The following USP47 variants were observed in gnomAD, a reference collection of about 807,000 sequenced individuals.
The protein encoded by USP47 is ubiquitin specific peptidase 47.
USP47 carries 35 observed loss-of-function variants against 165.1 expected under a neutral mutation model. That is an observed-to-expected ratio of 0.21 (90% CI 0.16 to 0.28). The LOEUF (loss-of-function observed/expected upper bound fraction) is 0.28, where lower values mean the gene tolerates loss of function less well. Ranked by LOEUF, USP47 falls within the 10% of genes least tolerant of loss-of-function variation. The pLI is 1.00. For synonymous variants in USP47, 531 were observed against 544.5 expected, an observed-to-expected ratio of 0.98 and a Z score of 0.35; for missense variants, 1,277 against 1,607.4, an observed-to-expected ratio of 0.79 and a Z score of 3.52.
intron 5 of USP47, 99 bp downstream of exon 5, chr11:11,897,792 G>A (rs1851937508): frequency 1.2e-6 from 1 of 816,736 alleles, no homozygotes; most frequent in East Asian, 2.7e-5. Context: ...AAAGTTTGGG[G>A]CATTTCTCAC....
At position 11,902,743 on chromosome 11, in the gene USP47, C is replaced by A; in HGVS notation, c.622C>A (p.Pro208Thr). ...KWEFEESEED[P>T]VTSIPYQLQR... ...GGAATTTGAAGAATCTGAAGAAGAT[C>A]CAGTGACAAGTATTCCATACCAACT... The change falls in exon 6 of 28, where the codon CCA (proline) becomes ACA (threonine). Residue 208 changes from proline to threonine, a missense_variant. Physicochemically the swap from Pro to Thr is conservative, Grantham distance 38. Around this residue, in one of 4 missense-constraint regions of USP47, gnomAD observed 175 missense variants for 295.8 expected, o/e 0.59. Coordinates refer to ENST00000527733, the MANE Select transcript of USP47 (RefSeq NM_001282659.2). 1.3e-6 allele frequency: 2 copies of A among 1,575,502 alleles called. No homozygotes were observed. Among genetic ancestry groups the A allele is most frequent in the Admixed American group, 1.7e-5 (1 of 57,182 alleles).
In USP47 at chr11:11,961,157, A is replaced by T. The variant is rs1334205974; in HGVS notation, c.*4982A>T. Among the ~76,000 whole-genome samples, 1 of 152,238 alleles carries T rather than the reference A, an allele frequency of 6.6e-6. No homozygotes were observed. Among genetic ancestry groups the T allele is most frequent in the Non-Finnish European group, 1.5e-5 (1 of 68,042 alleles). On this transcript the variant is annotated 3_prime_UTR_variant, in exon 28 of 28. Coordinates refer to ENST00000527733, the MANE Select transcript of USP47 (RefSeq NM_001282659.2). The stretch of plus-strand genomic sequence containing the variant: ...AGGACTCAAAGACTCTTTCTGTGGT[A>T]GGGCCACATCCTAAACCCTGTATCC...
chr11:11,939,889 T>C (rs991595607), intron 18 of USP47, among the ~76,000 whole-genome samples: 7 of 152,050 alleles, frequency 4.6e-5, no homozygotes, highest in African/African-American at 1.7e-4. Context: ...AGTATTTTTA[T>C]CTGCTGCTTT....
rs527761667 is a variant in USP47 at position 11,886,057 on chromosome 11, T to C, written c.357+1477T>C. Among the ~76,000 whole-genome samples the C allele has an allele frequency of 5.3e-5, 8 of 152,060 alleles. No individual in the cohort carries two copies. In the South Asian group the frequency reaches 1.7e-3, roughly 32 times the overall value. The stretch of plus-strand genomic sequence containing the variant: ...AATAAGCAGAAAATAATAACAATAA[T>C]ATCAACAGAAAAGACCCCACACAAT... On this transcript the variant is annotated intron_variant, in intron 3 of 27. Coordinates refer to ENST00000527733, the MANE Select transcript of USP47 (RefSeq NM_001282659.2).
At chr11:11,937,398 A>G (rs1298747306) in intron 17 of USP47, among the ~76,000 whole-genome samples, 13 of 151,786 alleles carry the variant, frequency 8.6e-5, no homozygotes, top group Non-Finnish European at 8.8e-5. Flanking sequence ...TGGATCCTGT[A>G]TATCTCCTTT....
intron 1 of USP47, among the ~76,000 whole-genome samples, chr11:11,875,369 T>C (rs1320597223): frequency 1.3e-5 from 2 of 152,290 alleles, no homozygotes; most frequent in South Asian, 2.1e-4. Context: ...ACAAAAATTA[T>C]GATGTTATCA....
At chr11:11,941,524 A>G (rs1020591571) in intron 19 of USP47, among the ~76,000 whole-genome samples, 4 of 151,994 alleles carry the variant, frequency 2.6e-5, no homozygotes, top group Non-Finnish European at 5.9e-5. Context: ...AACGTAAACA[A>G]AAGTAGAGAA....
At chr11:11,931,317 ATTGGTACAAGGC>A (rs1270982408) in intron 14 of USP47, among the ~76,000 whole-genome samples, 1 of 152,128 alleles carries the variant, frequency 6.6e-6, no homozygotes, top group Admixed American at 6.6e-5. Context: ...GGTGAATTCA[ATTGGTACAAGGC>A]TTAGGACTTA....
chr11:11,874,083 A>G (rs981554615), intron 1 of USP47, among the ~76,000 whole-genome samples: 1 of 152,252 alleles, frequency 6.6e-6, no homozygotes, highest in African/African-American at 2.4e-5. Flanking sequence ...TAGAAAAACT[A>G]AAGAACCCTT....
intron 18 of USP47, 38 bp downstream of exon 18, chr11:11,938,410 A>G: frequency 6.7e-7 from 1 of 1,501,352 alleles, no homozygotes; most frequent in Non-Finnish European, 9.2e-7. Flanking sequence ...AATTTTTGAG[A>G]GCCTGCTATG....
At chr11:11,858,573 C>T (rs1849196570) in intron 1 of USP47, among the ~76,000 whole-genome samples, 2 of 152,308 alleles carry the variant, frequency 1.3e-5, no homozygotes, top group South Asian at 4.1e-4. Flanking sequence ...GTAATCAGTT[C>T]TCTTCCCCTT....
At chr11:11,919,631 G>GT (rs1297851742) in intron 8 of USP47, among the ~76,000 whole-genome samples, 1 of 151,906 alleles carries the variant, frequency 6.6e-6, no homozygotes, top group Non-Finnish European at 1.5e-5. Context: ...GTTGCACAGT[G>GT]TTTTTCAATC....
chr11:11,878,103 G>C (rs1850594749), intron 1 of USP47, among the ~76,000 whole-genome samples: 1 of 151,956 alleles, frequency 6.6e-6, no homozygotes, highest in Non-Finnish European at 1.5e-5. Context: ...TTTCATTGAG[G>C]GATAATTTTC....
chr11:11,950,555 A>G, intron 24 of USP47, 73 bp downstream of exon 24: 1 of 1,022,550 alleles, frequency 9.8e-7, no homozygotes, highest in Non-Finnish European at 1.5e-6. Context: ...ATAGTTTTTA[A>G]TCAAATAATG....
intron 8 of USP47, among the ~76,000 whole-genome samples, chr11:11,906,701 A>G (rs1852593562): frequency 6.6e-6 from 1 of 152,112 alleles, no homozygotes; most frequent in African/African-American, 2.4e-5. Context: ...TACTTTTTTA[A>G]ATGGCCATCT....
Position 11,842,084 on chromosome 11 carries a change from G to A in USP47, c.-102G>A, listed in dbSNP as rs1337250633. 7 of 1,414,044 alleles carry A rather than the reference G, an allele frequency of 5.0e-6. No individual in the cohort carries two copies. Among genetic ancestry groups the A allele is most frequent in the Admixed American group, 2.2e-5 (1 of 46,328 alleles). The allele number at this position is 1,414,044 out of a possible 1,614,324, so 87.6% of individuals were successfully genotyped here. On this transcript the variant is annotated 5_prime_UTR_variant, in exon 1 of 28. Coordinates refer to ENST00000527733, the MANE Select transcript of USP47 (RefSeq NM_001282659.2). ...CTCCGCTATTGCTGGAGCGCAGGCG[G>A]CGGAGAGGATGACTGCCGCTGCCAT...
At chr11:11,890,119 A>G (rs1330356507) in intron 3 of USP47, among the ~76,000 whole-genome samples, 6 of 152,204 alleles carry the variant, frequency 3.9e-5, no homozygotes, top group South Asian at 4.1e-4. Context: ...AATCTAGGCA[A>G]TATTATTTAG....
At chr11:11,880,834 C>G (rs1365656825) in intron 2 of USP47, among the ~76,000 whole-genome samples, 1 of 152,078 alleles carries the variant, frequency 6.6e-6, no homozygotes, top group Non-Finnish European at 1.5e-5. Flanking sequence ...CTCTAGCTGA[C>G]TATTTCTTTT....
At chr11:11,952,669 G>T in intron 24 of USP47, 72 bp from the exon 25 acceptor site, 1 of 1,390,760 alleles carries the variant, frequency 7.2e-7, no homozygotes, top group Admixed American at 2.5e-5. Flanking sequence ...GTTTAGTAAG[G>T]CACTAAGGGA....
Sources: gnomAD v4.1 joint callset for allele counts (sites outside exome capture counted in the v4.1 genomes callset) on GRCh38, gnomAD v4.1.1 for gene constraint, gnomAD v4.1.1 regional missense constraint, MANE v1.5 for transcripts, NCBI Gene and HGNC (gene_info 2026-07-23, HGNC 2026-07-21) for gene names.